FNIP2: variants seen among roughly 807,000 people sequenced by gnomAD.
The protein encoded by FNIP2 is folliculin-interacting protein 2.
FNIP2 carries 32 observed loss-of-function variants against 108.7 expected under a neutral mutation model. The ratio of observed to expected loss-of-function variants is 0.29; its 90% CI spans 0.22 to 0.40. FNIP2 has a LOEUF of 0.40. Ranked by LOEUF, FNIP2 falls within the 10% of genes least tolerant of loss-of-function variation. FNIP2 has a pLI of 1.00. For missense variants in FNIP2, 1,202 were observed against 1,381.6 expected (o/e 0.87, Z 2.06); for synonymous variants, 480 against 496.7 (o/e 0.97, Z 0.45).
chr4:158,835,575 GTTCT>G (rs1234740345), intron 7 of FNIP2, 99 bp downstream of exon 7: 22 of 1,074,142 alleles, frequency 2.0e-5, no homozygotes, highest in Non-Finnish European at 2.9e-5. Context: ...CCCTCATCCT[GTTCT>G]TTGTTTTTTC....
chr4:158,870,182 G>A lies in FNIP2; in HGVS notation c.2793-131G>A, dbSNP rs1780855878. The A allele has an allele frequency of 3.3e-6, 3 of 914,740 alleles. No individual in the cohort carries two copies. The South Asian group carries it at 5.8e-5, about 18-fold the overall frequency. The allele number at this position is 914,740 out of a possible 1,614,324, so 56.7% of individuals were successfully genotyped here. On this transcript the variant is annotated intron_variant, in intron 13 of 16. Coordinates refer to ENST00000264433, the MANE Select transcript of FNIP2 (RefSeq NM_020840.3). ...TCTCCCACCTGTGATCCACTTACTT[G>A]AGGGTTGGTGACATGGACCACCCTG...
chr4:158,815,109 A>G (rs1379833543), intron 1 of FNIP2, among the ~76,000 whole-genome samples: 1 of 152,242 alleles, frequency 6.6e-6, no homozygotes, highest in African/African-American at 2.4e-5. Context: ...TTAGTCACCA[A>G]AACAGCACTT....
chr4:158,832,016 C>G, intron 4 of FNIP2, 51 bp from the exon 5 acceptor site: 3 of 1,598,426 alleles, frequency 1.9e-6, no homozygotes. Context: ...GTGGTATTGA[C>G]TCCTTAACTC....
chr4:158,829,734 G>GTGTA (rs1553958632), intron 3 of FNIP2, among the ~76,000 whole-genome samples: 5 of 152,024 alleles, frequency 3.3e-5, no homozygotes, highest in South Asian at 2.1e-4. Flanking sequence ...GTGTGTGTGT[G>GTGTA]TGTATAAGGA....
chr4:158,815,403 G>A lies in FNIP2; in HGVS notation c.108-10513G>A, dbSNP rs534856453. Among the ~76,000 whole-genome samples, 537 of 130,002 alleles carry A rather than the reference G, an allele frequency of 4.1e-3. 4 individuals are homozygous for A. Among genetic ancestry groups the A allele is most frequent in the African/African-American group, 0.014 (502 of 34,724 alleles). 85.3% of individuals were successfully genotyped at this position (130,002 alleles called of 152,430 possible). A position where few individuals can be genotyped will look rare whatever the true frequency, so the allele number is the denominator to read the frequency against. On this transcript the variant is annotated intron_variant, in intron 1 of 16. Coordinates refer to ENST00000264433, the MANE Select transcript of FNIP2 (RefSeq NM_020840.3). ...ATCCAGCTTTTTTTTTTTTTTTTGA[G>A]ACGGAGTCTTGCTCTCTCGCCCAGG...
chr4:158,821,668 C>A (rs889173495), intron 1 of FNIP2, among the ~76,000 whole-genome samples: 6 of 152,162 alleles, frequency 3.9e-5, no homozygotes, highest in African/African-American at 1.4e-4. Flanking sequence ...TATAAGTACT[C>A]CTAGGGGAGA....
At chr4:158,854,261 C>T (rs1373955946) in intron 8 of FNIP2, among the ~76,000 whole-genome samples, 1 of 152,220 alleles carries the variant, frequency 6.6e-6, no homozygotes. Context: ...TCTATAGGGA[C>T]AGGCTCCGGT....
At chr4:158,899,794 C>A (rs1783040337) in intron 16 of FNIP2, among the ~76,000 whole-genome samples, 1 of 152,096 alleles carries the variant, frequency 6.6e-6, no homozygotes, top group African/African-American at 2.4e-5. Flanking sequence ...TTTCAAAAAA[C>A]CAGCTCCTGG....
chr4:158,902,014 C>G (rs529071671), intron 16 of FNIP2, among the ~76,000 whole-genome samples: 1 of 152,168 alleles, frequency 6.6e-6, no homozygotes, highest in East Asian at 1.9e-4. Context: ...AATTCTCCAT[C>G]CAGTTTTGTT....
At chr4:158,834,288 T>TTCTCTGTCTCTC (rs1778653705) in intron 6 of FNIP2, 1 of 63,220 alleles carries the variant, frequency 1.6e-5, no homozygotes, top group Non-Finnish European at 2.9e-5. Context: ...CATGGAAGAC[T>TTCTCTGTCTCTC]TCTCTCTCTC....
At chr4:158,880,804 C>T (rs780834470) in intron 14 of FNIP2, among the ~76,000 whole-genome samples, 11 of 152,068 alleles carry the variant, frequency 7.2e-5, no homozygotes, top group Non-Finnish European at 1.3e-4. Context: ...TGGCCAAGGA[C>T]GACCTTGTAT....
intron 1 of FNIP2, among the ~76,000 whole-genome samples, chr4:158,776,371 G>C (rs1350134979): frequency 6.6e-6 from 1 of 152,332 alleles, no homozygotes; most frequent in East Asian, 1.9e-4. Context: ...GGATGTGTTA[G>C]GAAGCAGCAG....
intron 1 of FNIP2, among the ~76,000 whole-genome samples, chr4:158,812,726 A>G (rs1777348367): frequency 6.6e-6 from 1 of 151,936 alleles, no homozygotes; most frequent in Non-Finnish European, 1.5e-5. Flanking sequence ...CCACTGAGGA[A>G]TCTGTATTGA....
At chr4:158,871,200 C>G (rs1006489235) in intron 14 of FNIP2, among the ~76,000 whole-genome samples, 4 of 152,210 alleles carry the variant, frequency 2.6e-5, no homozygotes, top group Non-Finnish European at 5.9e-5. Flanking sequence ...AAGTGCTTTT[C>G]TGCTATCTGC....
chr4:158,788,193 G>A (rs1025157911), intron 1 of FNIP2, among the ~76,000 whole-genome samples: 7 of 152,312 alleles, frequency 4.6e-5, no homozygotes, highest in African/African-American at 7.2e-5. Flanking sequence ...AGTTACGACC[G>A]TGCTGGGCGC....
At chr4:158,813,673 T>TA (rs1370004360) in intron 1 of FNIP2, among the ~76,000 whole-genome samples, 1 of 152,234 alleles carries the variant, frequency 6.6e-6, no homozygotes, top group African/African-American at 2.4e-5. Flanking sequence ...CAGAAGTTTT[T>TA]AATTTTAATG....
intron 12 of FNIP2, among the ~76,000 whole-genome samples, chr4:158,864,854 T>G (rs1780491951): frequency 6.6e-6 from 1 of 152,092 alleles, no homozygotes; most frequent in Non-Finnish European, 1.5e-5. Flanking sequence ...TCTATCATTT[T>G]GCACCTCTCT....
chr4:158,839,786 C>T (rs894895094), intron 7 of FNIP2, among the ~76,000 whole-genome samples: 15 of 152,140 alleles, frequency 9.9e-5, no homozygotes, highest in African/African-American at 3.6e-4. Context: ...GTATTTTGAG[C>T]ACTTCCTTAC....
At chr4:158,805,637 A>G (rs1416028395) in intron 1 of FNIP2, among the ~76,000 whole-genome samples, 1 of 152,168 alleles carries the variant, frequency 6.6e-6, no homozygotes, top group Non-Finnish European at 1.5e-5. Flanking sequence ...ACCATCCCTC[A>G]CTTGCTGTGG....
Sources: gnomAD v4.1 joint callset for allele counts (sites outside exome capture counted in the v4.1 genomes callset) on GRCh38, gnomAD v4.1.1 for gene constraint, MANE v1.5 for transcripts, NCBI Gene and HGNC (gene_info 2026-07-23, HGNC 2026-07-21) for gene names.